The following OR4D1 variants were observed in gnomAD, a reference collection of about 807,000 sequenced individuals.
OR4D1 encodes olfactory receptor 4D1.
In OR4D1, 10 loss-of-function variants were observed where a neutral mutation model predicts 14.2. That is an observed-to-expected ratio of 0.71 (90% CI 0.44 to 1.20). The LOEUF (loss-of-function observed/expected upper bound fraction) is 1.20, where lower values mean the gene tolerates loss of function less well. Among genes scored for constraint, OR4D1 ranks in the 50% most tolerant of loss-of-function variants. The probability of loss-of-function intolerance (pLI) is 0.00; values close to 1 mark genes in which losing one functional copy is unlikely to be tolerated. For missense variants in OR4D1, 345 were observed against 376.6 expected (o/e 0.92, Z 0.70); for synonymous variants, 141 against 147.4 (o/e 0.96, Z 0.32).
At chr17:58,150,799 C>T (rs1418650480) in intron 2 of OR4D1, among the ~76,000 whole-genome samples, 3 of 152,058 alleles carry the variant, frequency 2.0e-5, no homozygotes, top group African/African-American at 7.2e-5. Context: ...TCCTCTTTTT[C>T]TCTCTCTCCC....
At chr17:58,151,598 T>C (rs1179483166) in intron 2 of OR4D1, among the ~76,000 whole-genome samples, 1 of 152,214 alleles carries the variant, frequency 6.6e-6, no homozygotes, top group Non-Finnish European at 1.5e-5. Flanking sequence ...ACATGATCAA[T>C]AGAGCTATCT....
At position 58,155,657 on chromosome 17, in the gene OR4D1, C is replaced by T. The variant is rs764156894; in HGVS notation, c.504C>T (p.Phe168=). 3 of 1,614,202 alleles carry T rather than the reference C, an allele frequency of 1.9e-6. No individual in the cohort carries two copies. The highest frequency in any genetic ancestry group is 1.1e-5 in the South Asian group (1 of 91,082). The stretch of plus-strand genomic sequence containing the variant: ...TGGCTCTGATACTTCCACTGCCCTT[C>T]TGTGGCCCCAATATCCTAGATAACT... ...VQLALILPLP[F]CGPNILDNFY... Residue 168 remains phenylalanine (F), a synonymous_variant, in exon 4 of 4, where the codon TTC becomes TTT. Coordinates refer to ENST00000268912, the MANE Select transcript of OR4D1 (RefSeq NM_001386095.1).
intron 3 of OR4D1, among the ~76,000 whole-genome samples, chr17:58,154,464 C>A (rs1967740287): frequency 6.6e-6 from 1 of 152,182 alleles, no homozygotes; most frequent in African/African-American, 2.4e-5. Context: ...ATTGCCCCCA[C>A]AGATGGCCCA....
Position 58,156,173 on chromosome 17 carries a change from T to C in OR4D1, c.*87T>C. Reference sequence around the variant, plus strand: ...AATGGAGGAAAGTCTTTATAAAGCATAACAAATCAGATTACACTTATATTT... The same window carrying C: ...AATGGAGGAAAGTCTTTATAAAGCACAACAAATCAGATTACACTTATATTT... On this transcript the variant is annotated 3_prime_UTR_variant, in exon 4 of 4. Transcript: ENST00000268912. 2.2e-6 allele frequency: 2 copies of C among 889,450 alleles called. No individual in the cohort carries two copies. Among genetic ancestry groups the C allele is most frequent in the Non-Finnish European group, 1.7e-6 (1 of 594,638 alleles). 55.1% of individuals were successfully genotyped at this position (889,450 alleles called of 1,614,324 possible).
Position 58,156,980 on chromosome 17 carries a change from C to A in OR4D1, c.*894C>A. 1.4e-6 allele frequency: 1 copy of A among 730,614 alleles called. No individual in the cohort carries two copies. The highest frequency in any genetic ancestry group is 2.4e-6 in the Non-Finnish European group (1 of 420,250). The allele number at this position is 730,614 out of a possible 1,614,324, so 45.3% of individuals were successfully genotyped here. A position where few individuals can be genotyped will look rare whatever the true frequency, so the allele number is the denominator to read the frequency against. On this transcript the variant is annotated 3_prime_UTR_variant, in exon 4 of 4. Transcript: ENST00000268912. ...TTGAGTCGCCGCTGCGGGTTGCTAG[C>A]GGAGTCGCGCGTCGGGAGCTACGTA...
In OR4D1 at chr17:58,156,926, C is replaced by T. The variant is rs1267946658; in HGVS notation, c.*840C>T. The T allele has an allele frequency of 4.8e-6, 3 of 623,800 alleles. No homozygotes were observed. In the East Asian group the frequency reaches 8.7e-5, roughly 18 times the overall value. The allele number at this position is 623,800 out of a possible 1,614,324, so 38.6% of individuals were successfully genotyped here. A position where few individuals can be genotyped will look rare whatever the true frequency, so the allele number is the denominator to read the frequency against. On this transcript the variant is annotated 3_prime_UTR_variant, in exon 4 of 4. Transcript: ENST00000268912. ...CACTGTGGAATTTAGAAAGTTATCT[C>T]GCCCTCCCTCCTCCCCCACAAAAAA...
chr17:58,152,161 C>A (rs1027617580), intron 2 of OR4D1, among the ~76,000 whole-genome samples: 6 of 152,146 alleles, frequency 3.9e-5, no homozygotes, highest in Admixed American at 2.6e-4. Context: ...CTTGCCACCA[C>A]GCCTAGCTAA....
At chr17:58,154,009 T>C (rs1035561933) in intron 3 of OR4D1, among the ~76,000 whole-genome samples, 46 bp downstream of exon 3, 3 of 152,164 alleles carry the variant, frequency 2.0e-5, no homozygotes, top group Non-Finnish European at 4.4e-5. Flanking sequence ...TTTGTAGAGA[T>C]GTGATCTCAC....
At position 58,158,363 on chromosome 17, in the gene OR4D1, G is replaced by A. The variant is rs1258237163; in HGVS notation, c.*2277G>A. On this transcript the variant is annotated 3_prime_UTR_variant, in exon 4 of 4. Transcript: ENST00000268912. Reference sequence around the variant, plus strand: ...ATGGAGAGGTTTTTCAAAGTGAAGGGGACACATCACATTTCTGCATTTTAC... The same window carrying A: ...ATGGAGAGGTTTTTCAAAGTGAAGGAGACACATCACATTTCTGCATTTTAC... The A allele has an allele frequency of 6.6e-6, 1 of 151,786 alleles. No homozygotes were observed. Among genetic ancestry groups the A allele is most frequent in the African/African-American group, 2.4e-5 (1 of 41,276 alleles). The allele number at this position is 151,786 out of a possible 1,614,324, so 9.4% of individuals were successfully genotyped here.
In OR4D1 at chr17:58,157,864, C is replaced by G. The variant is rs1194868771; in HGVS notation, c.*1778C>G. 1 of 1,505,394 alleles carries G rather than the reference C, an allele frequency of 6.6e-7. No homozygotes were observed. Among genetic ancestry groups the G allele is most frequent in the Non-Finnish European group, 9.1e-7 (1 of 1,095,102 alleles). 93.3% of individuals were successfully genotyped at this position (1,505,394 alleles called of 1,614,324 possible). A position where few individuals can be genotyped will look rare whatever the true frequency, so the allele number is the denominator to read the frequency against. ...TTGTTTCAAAGGGTTTCCTCTCCCT[C>G]TCCAAGAAGGCAGGACCAGCCAATA... On this transcript the variant is annotated 3_prime_UTR_variant, in exon 4 of 4. Transcript: ENST00000268912.
chr17:58,155,635 C>G lies in OR4D1; in HGVS notation c.482C>G (p.Ala161Gly). ...GGFVHSIVQL[A>G]LILPLPFCGP... Reference sequence around the variant, plus strand: ...TTTGTCCACTCCATTGTCCAACTGGCTCTGATACTTCCACTGCCCTTCTGT... The same window carrying G: ...TTTGTCCACTCCATTGTCCAACTGGGTCTGATACTTCCACTGCCCTTCTGT... Residue 161 changes from alanine to glycine, a missense_variant, in exon 4 of 4, where the codon GCT (alanine) becomes GGT (glycine). Transcript: ENST00000268912. The G allele has an allele frequency of 1.2e-6, 2 of 1,614,152 alleles. No individual in the cohort carries two copies. The highest frequency in any genetic ancestry group is 8.5e-7 in the Non-Finnish European group (1 of 1,180,002).
Position 58,157,395 on chromosome 17 carries a change from C to A in OR4D1, c.*1309C>A. On this transcript the variant is annotated 3_prime_UTR_variant, in exon 4 of 4. Transcript: ENST00000268912. ...CCGCCGCCAAGACACGTGAGCCCTA[C>A]CACCTGCACCCTGAGAAAACACAAG... is the stretch of plus-strand genomic sequence containing the variant. The A allele has an allele frequency of 8.3e-7, 1 of 1,198,016 alleles. No individual in the cohort carries two copies. Among genetic ancestry groups the A allele is most frequent in the Non-Finnish European group, 1.2e-6 (1 of 823,374 alleles). The allele number at this position is 1,198,016 out of a possible 1,614,324, so 74.2% of individuals were successfully genotyped here.
intron 3 of OR4D1, among the ~76,000 whole-genome samples, 157 bp downstream of exon 3, chr17:58,154,120 G>A (rs1424161047): frequency 6.6e-6 from 1 of 151,550 alleles, no homozygotes; most frequent in Non-Finnish European, 1.5e-5. Flanking sequence ...TCACACCTGG[G>A]TAATTTTTAA....
chr17:58,151,417 C>G (rs914104328), intron 2 of OR4D1, among the ~76,000 whole-genome samples: 1 of 152,146 alleles, frequency 6.6e-6, no homozygotes, highest in Non-Finnish European at 1.5e-5. Context: ...TCTCCCTCCC[C>G]TCGCCTCCCC....
At chr17:58,149,320 T>A (rs1485457405) in intron 1 of OR4D1, 109 bp from the exon 2 acceptor site, 2 of 152,240 alleles carry the variant, frequency 1.3e-5, no homozygotes, top group African/African-American at 4.8e-5. Flanking sequence ...GCTAAGATGA[T>A]GCTTCTAGGA....
At chr17:58,154,148 A>AG (rs1200826914) in intron 3 of OR4D1, among the ~76,000 whole-genome samples, 185 bp downstream of exon 3, 1 of 150,398 alleles carries the variant, frequency 6.6e-6, no homozygotes, top group African/African-American at 2.5e-5. Context: ...TTATAGAGGT[A>AG]GGGGTCTAGC....
Position 58,158,061 on chromosome 17 carries a change from TATAAATATATATATA to T in OR4D1, c.*1981_*1995del. ...AAGATTGGCTCTGATGGTTTTTATG[TATAAATATATATATA>T]ATAAAATATAATACATTTGTATACA... is the stretch of plus-strand genomic sequence containing the variant. On this transcript the variant is annotated 3_prime_UTR_variant, in exon 4 of 4. Transcript: ENST00000268912. 5.4e-6 allele frequency: 1 copy of T among 184,374 alleles called. No individual in the cohort carries two copies. Among genetic ancestry groups the T allele is most frequent in the East Asian group, 1.4e-4 (1 of 7,332 alleles). The allele number at this position is 184,374 out of a possible 1,614,324, so 11.4% of individuals were successfully genotyped here.
intron 2 of OR4D1, among the ~76,000 whole-genome samples, chr17:58,150,340 A>G (rs904086229): frequency 1.3e-5 from 2 of 152,224 alleles, no homozygotes; most frequent in Non-Finnish European, 2.9e-5. Flanking sequence ...ACTATGTTGC[A>G]CAGTGTGGAT....
rs1967795469 is a variant in OR4D1 at position 58,157,735 on chromosome 17, T to C, written c.*1649T>C. ...CAGCATCCTACCCGTTCCATAGACC[T>C]GTGCTTCCCATCCCGCCCGTGGGAC... is the stretch of plus-strand genomic sequence containing the variant. On this transcript the variant is annotated 3_prime_UTR_variant, in exon 4 of 4. Transcript: ENST00000268912. The C allele has an allele frequency of 3.0e-5, 48 of 1,613,686 alleles. No individual in the cohort carries two copies. Among genetic ancestry groups the C allele is most frequent in the Middle Eastern group, 1.7e-4 (1 of 6,054 alleles).
Sources: gnomAD v4.1 joint callset for allele counts (sites outside exome capture counted in the v4.1 genomes callset) on GRCh38, gnomAD v4.1.1 for gene constraint, MANE v1.5 for transcripts, NCBI Gene and HGNC (gene_info 2026-07-23, HGNC 2026-07-21) for gene names.